The following DYM variants were observed in gnomAD, a reference collection of about 807,000 sequenced individuals.
DYM encodes dymeclin.
In DYM, 78 loss-of-function variants were observed where a neutral mutation model predicts 93.1. That is an observed-to-expected ratio of 0.84 (90% CI 0.70 to 1.01). DYM has a LOEUF of 1.01. DYM is among the 50% of genes least tolerant of loss of function. The pLI is 0.00. For synonymous variants in DYM, 321 were observed against 319.7 expected (o/e 1.00, Z -0.04); for missense variants, 789 against 845.0 (o/e 0.93, Z 0.82).
intron 2 of DYM, among the ~76,000 whole-genome samples, chr18:49,420,165 G>GTTTT (rs58141815): frequency 3.7e-5 from 4 of 109,016 alleles, no homozygotes; most frequent in Non-Finnish European, 5.8e-5. Context: ...GTTAAAATTC[G>GTTTT]TTTTTTTTTT....
intron 15 of DYM, among the ~76,000 whole-genome samples, chr18:49,145,062 G>A (rs1026600407): frequency 1.4e-5 from 2 of 139,166 alleles, no homozygotes; most frequent in African/African-American, 2.6e-5. Flanking sequence ...ATCACACACT[G>A]AGCTCCAGCC....
Position 49,452,214 on chromosome 18 carries a change from G to A in DYM, c.-54+8184C>T, listed in dbSNP as rs573159979. On this transcript the variant is annotated intron_variant, in intron 1 of 17. Coordinates refer to ENST00000675505, the MANE Select transcript of DYM (RefSeq NM_001353214.3). ...TTCCTTCTGGTGGGTTCGTGCTCTC[G>A]CTGGCTTAGGAGTGAAGCGGCAGAC... 5.8e-4 allele frequency among the ~76,000 whole-genome samples: 88 copies of A among 152,262 alleles called. 1 individual carries two copies. Among genetic ancestry groups the A allele is most frequent in the East Asian group, 2.3e-3 (12 of 5,176 alleles).
At position 49,132,821 on chromosome 18, in the gene DYM, A is replaced by G. The variant is rs188574990; in HGVS notation, c.1729-13895T>C. On this transcript the variant is annotated intron_variant, in intron 15 of 17. Transcript: ENST00000675505. The stretch of plus-strand genomic sequence containing the variant: ...ACTCATAGTAAATATTCAAAGGAGA[A>G]AAAAGTCATGATCATCTTAATAGAT... Among the ~76,000 whole-genome samples the G allele has an allele frequency of 5.0e-3, 755 of 152,306 alleles. 2 individuals are homozygous for G. The highest frequency in any genetic ancestry group is 8.1e-3 in the Non-Finnish European group (552 of 67,996).
chr18:49,105,791 G>A (rs546036096), intron 16 of DYM, among the ~76,000 whole-genome samples: 4 of 152,278 alleles, frequency 2.6e-5, no homozygotes, highest in South Asian at 4.1e-4. Flanking sequence ...TATAATTTCT[G>A]TTCTTTTACA....
intron 8 of DYM, chr18:49,321,394 G>A (rs1011093843): frequency 1.8e-5 from 7 of 398,052 alleles, no homozygotes; most frequent in African/African-American, 1.2e-4. Flanking sequence ...ACAAGAAAAT[G>A]AGAGTAGAAG....
chr18:49,317,640 TC>T (rs1393722958), intron 8 of DYM, among the ~76,000 whole-genome samples: 3 of 34,718 alleles, frequency 8.6e-5, no homozygotes, highest in South Asian at 1.5e-3. Flanking sequence ...TCTCCTATCC[TC>T]TCCTCTCCTT....
At chr18:49,379,531 CT>C (rs1376102491) in intron 4 of DYM, 133 bp downstream of exon 4, 24 of 802,078 alleles carry the variant, frequency 3.0e-5, no homozygotes, top group Non-Finnish European at 3.9e-5. Flanking sequence ...ACCTCTCTAC[CT>C]TTTTTTCTTA....
At chr18:49,236,373 G>A (rs781728728) in intron 13 of DYM, among the ~76,000 whole-genome samples, 1 of 151,942 alleles carries the variant, frequency 6.6e-6, no homozygotes, top group Non-Finnish European at 1.5e-5. Context: ...CTAGCTACTC[G>A]AGAGGCTGAG....
At chr18:49,300,787 C>T (rs2060883685) in intron 8 of DYM, among the ~76,000 whole-genome samples, 1 of 152,060 alleles carries the variant, frequency 6.6e-6, no homozygotes, top group Non-Finnish European at 1.5e-5. Flanking sequence ...AGGTCTCTGG[C>T]TGTTAGTTTT....
intron 13 of DYM, among the ~76,000 whole-genome samples, chr18:49,216,861 A>T (rs979441501): frequency 6.6e-6 from 1 of 152,256 alleles, no homozygotes; most frequent in Non-Finnish European, 1.5e-5. Flanking sequence ...CCTCCTCCAA[A>T]GGAACGCAGT....
At chr18:49,205,457 T>C (rs2092424148) in intron 14 of DYM, among the ~76,000 whole-genome samples, 5 of 151,492 alleles carry the variant, frequency 3.3e-5, no homozygotes, top group East Asian at 1.9e-4. Context: ...CAGATTGCCA[T>C]AGTAGATGAG....
intron 10 of DYM, among the ~76,000 whole-genome samples, chr18:49,276,085 G>A (rs982474600): frequency 6.6e-6 from 1 of 151,924 alleles, no homozygotes. Context: ...CAAATGCCCA[G>A]GCTAGAATCT....
chr18:49,091,397 G>T (rs184232024), intron 17 of DYM, among the ~76,000 whole-genome samples: 7 of 152,190 alleles, frequency 4.6e-5, no homozygotes, highest in African/African-American at 1.7e-4. Flanking sequence ...AGGCATGATG[G>T]AGAGAGAGAT....
At chr18:49,108,893 T>C (rs984814592) in intron 16 of DYM, among the ~76,000 whole-genome samples, 1 of 152,248 alleles carries the variant, frequency 6.6e-6, no homozygotes, top group Non-Finnish European at 1.5e-5. Flanking sequence ...GAAGCTCTGT[T>C]GTATACACAT....
intron 1 of DYM, among the ~76,000 whole-genome samples, chr18:49,440,872 A>T (rs1433550815): frequency 0.47 from 19 of 40 alleles, 2 homozygotes; most frequent in Non-Finnish European, 0.5. Flanking sequence ...TATTATATAT[A>T]ATATATATTA....
At chr18:49,319,100 G>T (rs566358185) in intron 8 of DYM, among the ~76,000 whole-genome samples, 4 of 152,006 alleles carry the variant, frequency 2.6e-5, no homozygotes, top group Admixed American at 2.0e-4. Context: ...CCACGCAACC[G>T]GCCATAAATA....
At chr18:49,279,269 C>A (rs2094915578) in intron 10 of DYM, among the ~76,000 whole-genome samples, 1 of 152,194 alleles carries the variant, frequency 6.6e-6, no homozygotes, top group Non-Finnish European at 1.5e-5. Flanking sequence ...GCAGGTCTGC[C>A]TCCAGCCTTA....
intron 17 of DYM, among the ~76,000 whole-genome samples, chr18:49,057,259 A>G (rs2075579970): frequency 6.6e-6 from 1 of 152,244 alleles, no homozygotes; most frequent in African/African-American, 2.4e-5. Flanking sequence ...GGGAAAGTAC[A>G]TTCAGAGGTG....
At chr18:49,197,443 C>CA (rs1209240803) in intron 14 of DYM, among the ~76,000 whole-genome samples, 1 of 151,948 alleles carries the variant, frequency 6.6e-6, no homozygotes, top group Non-Finnish European at 1.5e-5. Context: ...CTGTTGAGGT[C>CA]AAGTAAAGAA....
Sources: allele counts gnomAD v4.1 joint callset (sites outside exome capture counted in the v4.1 genomes callset), GRCh38; gene constraint gnomAD v4.1.1; transcripts MANE v1.5; gene names NCBI Gene and HGNC (gene_info 2026-07-23, HGNC 2026-07-21).